The following SPCS2 variants were observed in gnomAD, a reference collection of about 807,000 sequenced individuals.
SPCS2 encodes the protein SPase 25 kDa subunit.
SPCS2 carries 3 observed loss-of-function variants against 22.3 expected under a neutral mutation model. The observed-to-expected ratio is 0.13, with a 90% confidence interval of 0.06 to 0.35. SPCS2 has a LOEUF of 0.35. SPCS2 is among the 10% of genes least tolerant of loss of function. The pLI, the probability that SPCS2 is intolerant of heterozygous loss-of-function variation, is 1.00. For missense variants in SPCS2, 169 were observed against 280.9 expected (o/e 0.60, Z 2.85); for synonymous variants, 67 against 97.2 (o/e 0.69, Z 1.83).
At position 74,965,815 on chromosome 11, in the gene SPCS2, G is replaced by A. The variant is rs1305630078; in HGVS notation, c.251G>A (p.Arg84His). The change falls in exon 3 of 5, where the codon CGC becomes CAC. Residue 84 changes from arginine (R) to histidine (H), a missense_variant. This residue lies in a region of SPCS2 where 118 missense variants were observed against 243.1 expected (regional missense o/e 0.49). Coordinates refer to ENST00000263672, the MANE Select transcript of SPCS2 (RefSeq NM_014752.3). ...GAGAATTTTGGTCTAATTGATGGTC[G>A]CCTCACCATCTGTACAATCTCCTGT... ...YVENFGLIDGRLTICTISCFF... is the reference protein window; with the variant it reads ...YVENFGLIDGHLTICTISCFF... 5 of 1,611,458 alleles carry A rather than the reference G, an allele frequency of 3.1e-6. No individual in the cohort carries two copies. Among genetic ancestry groups the A allele is most frequent in the African/African-American group, 1.3e-5 (1 of 74,790 alleles).
intron 3 of SPCS2, among the ~76,000 whole-genome samples, chr11:74,969,048 A>G (rs1948563560): frequency 6.6e-6 from 1 of 152,194 alleles, no homozygotes; most frequent in South Asian, 2.1e-4. Context: ...CTTATTAACT[A>G]TGGTACTTAA....
intron 4 of SPCS2, among the ~76,000 whole-genome samples, chr11:74,970,987 A>G (rs1948580762): frequency 6.6e-6 from 1 of 152,188 alleles, no homozygotes. Flanking sequence ...CCTCAAAAAA[A>G]AAACCTCTGT....
At chr11:74,973,221 C>A (rs555852833) in intron 4 of SPCS2, among the ~76,000 whole-genome samples, 1 of 152,142 alleles carries the variant, frequency 6.6e-6, no homozygotes, top group African/African-American at 2.4e-5. Context: ...CCCTAAAATC[C>A]CCCCTTTGAA....
chr11:74,956,628 C>G (rs1948480598), intron 1 of SPCS2, among the ~76,000 whole-genome samples: 1 of 152,192 alleles, frequency 6.6e-6, no homozygotes, highest in Non-Finnish European at 1.5e-5. Context: ...GTGCTTGGCT[C>G]CGTTACATTT....
chr11:74,974,965 C>G (rs80147051), intron 4 of SPCS2, among the ~76,000 whole-genome samples: 1,761 of 152,242 alleles, frequency 0.012, 46 homozygotes, highest in African/African-American at 0.04. Context: ...CACCCATAGT[C>G]TATTCCCAGG....
intron 1 of SPCS2, among the ~76,000 whole-genome samples, chr11:74,957,232 T>C (rs1008983944): frequency 6.6e-6 from 1 of 152,172 alleles, no homozygotes; most frequent in African/African-American, 2.4e-5. Flanking sequence ...TTTAAAAATA[T>C]TATTTTTTTC....
At chr11:74,964,683 AC>A (rs953308707) in intron 1 of SPCS2, among the ~76,000 whole-genome samples, 7 of 152,352 alleles carry the variant, frequency 4.6e-5, no homozygotes, top group African/African-American at 1.7e-4. Context: ...GTTTACACTT[AC>A]AGTCTGTGCA....
intron 1 of SPCS2, among the ~76,000 whole-genome samples, chr11:74,950,851 C>T (rs1028789506): frequency 1.3e-5 from 2 of 152,180 alleles, no homozygotes; most frequent in African/African-American, 4.8e-5. Flanking sequence ...CCTGGCCTCA[C>T]ACTCAAACCT....
rs1421545037 is a variant in SPCS2 at position 74,949,326 on chromosome 11, G to T, written c.41G>T (p.Ser14Ile). Residue 14 changes from serine to isoleucine, a missense_variant, in exon 1 of 5, where the codon AGC becomes ATC. This residue lies in a region of SPCS2 where 51 missense variants were observed against 37.8 expected (regional missense o/e 1.35). Coordinates refer to ENST00000263672, the MANE Select transcript of SPCS2 (RefSeq NM_014752.3). ...GTACAGGGCGGGAGAAGCGGTGGTA[G>T]CGGAGGCTGTAGTGGGGCTGGTGGT... ...AAVQGGRSGG[S>I]GGCSGAGGAS... 1 of 1,550,734 alleles carries T rather than the reference G, an allele frequency of 6.4e-7. No individual in the cohort carries two copies. The highest frequency in any genetic ancestry group is 1.2e-5 in the South Asian group (1 of 84,016).
intron 1 of SPCS2, 96 bp downstream of exon 1, chr11:74,949,495 C>T (rs1565480468): frequency 3.6e-6 from 4 of 1,110,860 alleles, no homozygotes; most frequent in Non-Finnish European, 5.3e-6. Context: ...TTTCTACGGC[C>T]TTTTGAGGGG....
chr11:74,949,325 A>G lies in SPCS2; in HGVS notation c.40A>G (p.Ser14Gly), dbSNP rs1054747868. 19 of 1,550,508 alleles carry G rather than the reference A, an allele frequency of 1.2e-5. No individual in the cohort carries two copies. The highest frequency in any genetic ancestry group is 1.4e-5 in the Non-Finnish European group (16 of 1,146,688). Reference sequence around the variant, plus strand: ...TGTACAGGGCGGGAGAAGCGGTGGTAGCGGAGGCTGTAGTGGGGCTGGTGG... The same window carrying G: ...TGTACAGGGCGGGAGAAGCGGTGGTGGCGGAGGCTGTAGTGGGGCTGGTGG... ...AAVQGGRSGG[S>G]GGCSGAGGAS... Residue 14 changes from serine to glycine, a missense_variant, in exon 1 of 5, where the codon AGC becomes GGC. Coordinates refer to ENST00000263672, the MANE Select transcript of SPCS2 (RefSeq NM_014752.3).
intron 1 of SPCS2, among the ~76,000 whole-genome samples, chr11:74,951,810 C>CAAAAAAAAAAAAA (rs61038317): frequency 1.4e-4 from 11 of 81,374 alleles, no homozygotes; most frequent in South Asian, 5.1e-4. Context: ...AACTCTGTCT[C>CAAAAAAAAAAAAA]AAAAAAAAAA....
chr11:74,958,696 C>T (rs950297113), intron 1 of SPCS2, among the ~76,000 whole-genome samples: 1 of 152,134 alleles, frequency 6.6e-6, no homozygotes, highest in Non-Finnish European at 1.5e-5. Context: ...GTCATCCAAG[C>T]CCTAATTCTA....
chr11:74,950,603 C>T (rs1948402465), intron 1 of SPCS2, among the ~76,000 whole-genome samples: 1 of 152,196 alleles, frequency 6.6e-6, no homozygotes, highest in African/African-American at 2.4e-5. Context: ...CAGAATGGAT[C>T]TTAGCTCACT....
rs1369076683 is a variant in SPCS2, at chr11:74,965,748, TG to T, written c.199-14del. On this transcript the variant is annotated splice_polypyrimidine_tract_variant and intron_variant, in intron 2 of 4. Transcript: ENST00000263672. Reference sequence around the variant, plus strand: ...AAGTATTCCTATTAGCTTGATTCCTTGTTTTTCTCACCAGGTACTTCTGGAA... The same window carrying T: ...AAGTATTCCTATTAGCTTGATTCCTTTTTTTCTCACCAGGTACTTCTGGAA... The T allele has an allele frequency of 1.2e-6, 2 of 1,608,608 alleles. No homozygotes were observed. Among genetic ancestry groups the T allele is most frequent in the Admixed American group, 3.3e-5 (2 of 59,718 alleles).
chr11:74,965,083 C>T lies in SPCS2; in HGVS notation c.164C>T (p.Ala55Val). The T allele has an allele frequency of 6.4e-7, 1 of 1,551,226 alleles. No individual in the cohort carries two copies. Residue 55 changes from alanine (A) to valine (V), a missense_variant, in exon 2 of 5, where the codon GCT (alanine) becomes GTT (valine). By Grantham distance (64) the Ala-to-Val change is moderately conservative (BLOSUM62 0). Coordinates refer to ENST00000263672, the MANE Select transcript of SPCS2 (RefSeq NM_014752.3). Reference protein sequence around the residue: ...PVKIDKWDGSAVKNSLDDSAK... With the variant: ...PVKIDKWDGSVVKNSLDDSAK... ...AAAATTGACAAGTGGGATGGATCAG[C>T]TGTGAAAAACTCTTTGGATGATTCT...
rs538801402 is a variant in SPCS2, at chr11:74,949,990, C to T, written c.114+591C>T. ...CCCGCCCTCTCCTCTCTTCCCTCCACCTCCCTCTTTGCTACCAAGTGCACT... is the reference window on the plus strand; with the variant it reads ...CCCGCCCTCTCCTCTCTTCCCTCCATCTCCCTCTTTGCTACCAAGTGCACT... On this transcript the variant is annotated intron_variant, in intron 1 of 4. Coordinates refer to ENST00000263672, the MANE Select transcript of SPCS2 (RefSeq NM_014752.3). Among the ~76,000 whole-genome samples the T allele has an allele frequency of 4.6e-5, 7 of 152,232 alleles. No individual in the cohort carries two copies. The South Asian group carries it at 1.5e-3, about 32-fold the overall frequency.
At position 74,978,889 on chromosome 11, in the gene SPCS2, G is replaced by A. The variant is rs1021472038; in HGVS notation, c.*1846G>A. ...TTTCTTTACATGTGCATGCAAACAT[G>A]TGTCTCCACATACATTTTTTTTAAC... On this transcript the variant is annotated 3_prime_UTR_variant, in exon 5 of 5. Transcript: ENST00000263672. The A allele has an allele frequency of 2.6e-5, 4 of 152,060 alleles. No individual in the cohort carries two copies. The highest frequency in any genetic ancestry group is 2.9e-5 in the Non-Finnish European group (2 of 68,010). 9.4% of individuals were successfully genotyped at this position (152,060 alleles called of 1,614,324 possible).
intron 4 of SPCS2, 75 bp downstream of exon 4, chr11:74,969,774 CTTA>C (rs1948569910): frequency 6.6e-7 from 1 of 1,522,802 alleles, no homozygotes; most frequent in South Asian, 1.1e-5. Flanking sequence ...CAACAGAAGA[CTTA>C]TTATGTGCCT....
Sources: allele counts gnomAD v4.1 joint callset (sites outside exome capture counted in the v4.1 genomes callset), GRCh38; gene constraint gnomAD v4.1.1; regional missense constraint gnomAD v4.1.1; transcripts MANE v1.5; gene names NCBI Gene and HGNC (gene_info 2026-07-23, HGNC 2026-07-21).